Variants in PCNX1 observed in about 807,000 individuals in gnomAD.
The protein encoded by PCNX1 is pecanex-like protein 1.
In PCNX1, 78 loss-of-function variants were observed where a neutral mutation model predicts 242.2. That is an observed-to-expected ratio of 0.32 (90% CI 0.27 to 0.39). The LOEUF is 0.39. PCNX1 is among the 10% of genes least tolerant of loss of function. The pLI is 1.00. For missense variants in PCNX1, 2,581 were observed against 2,856.5 expected, an observed-to-expected ratio of 0.90 and a Z score of 2.20; for synonymous variants, 1,024 against 1,032.9, an observed-to-expected ratio of 0.99 and a Z score of 0.17.
intron 1 of PCNX1, among the ~76,000 whole-genome samples, chr14:70,909,489 A>G (rs886885844): frequency 5.3e-5 from 8 of 152,208 alleles, no homozygotes; most frequent in Non-Finnish European, 1.2e-4. Flanking sequence ...GGCTGTCACA[A>G]AATTTTCAAA....
At chr14:71,090,975 A>C (rs775522634) in intron 30 of PCNX1, among the ~76,000 whole-genome samples, 63 of 152,102 alleles carry the variant, frequency 4.1e-4, no homozygotes, top group Non-Finnish European at 6.8e-4. Flanking sequence ...GTGATTCTTT[A>C]CTTTATATTC....
At chr14:70,975,711 A>AT (rs2058669832) in intron 5 of PCNX1, among the ~76,000 whole-genome samples, 1 of 151,958 alleles carries the variant, frequency 6.6e-6, no homozygotes, top group Non-Finnish European at 1.5e-5. Flanking sequence ...AAAATCAGCT[A>AT]TTTTGCAGTT....
chr14:71,041,730 T>C (rs2060710704), intron 19 of PCNX1, among the ~76,000 whole-genome samples: 1 of 152,020 alleles, frequency 6.6e-6, no homozygotes, highest in African/African-American at 2.4e-5. Flanking sequence ...TTGAGGTACA[T>C]CATGAGGTTG....
intron 7 of PCNX1, among the ~76,000 whole-genome samples, chr14:70,991,885 TA>T (rs1417733509): frequency 2.0e-5 from 3 of 152,190 alleles, no homozygotes; most frequent in African/African-American, 7.2e-5. Flanking sequence ...ATATAAATAC[TA>T]GTAAATATAC....
chr14:70,922,387 A>C (rs1954605018), intron 1 of PCNX1, among the ~76,000 whole-genome samples: 1 of 152,122 alleles, frequency 6.6e-6, no homozygotes, highest in Non-Finnish European at 1.5e-5. Flanking sequence ...TGAAAACATG[A>C]ATTTTTTTAC....
intron 16 of PCNX1, chr14:71,031,865 GCACTTT>G (rs1469538531): frequency 3.4e-6 from 5 of 1,456,374 alleles, no homozygotes; most frequent in Non-Finnish European, 4.8e-6. Context: ...CACTGTTTCA[GCACTTT>G]CACAGCACGA....
chr14:71,036,083 G>C lies in PCNX1; in HGVS notation c.3793G>C (p.Asp1265His). The change falls in exon 19 of 36, where the codon GAC becomes CAC. Residue 1265 changes from aspartate to histidine, a missense_variant. By Grantham distance (81) the Asp-to-His change is moderately conservative. Around this residue, in one of 9 missense-constraint regions of PCNX1, gnomAD observed 432 missense variants for 443.1 expected, o/e 0.97. Transcript: ENST00000304743. Reference protein sequence around the residue: ...RNSVSERLQSDLVVCIVIGVL... With the variant: ...RNSVSERLQSHLVVCIVIGVL... ...CCCACAGAGTGAGCGATTACAGTCTGACCTGGTAGTATGCATTGTAATTGG... is the reference window on the plus strand; with the variant it reads ...CCCACAGAGTGAGCGATTACAGTCTCACCTGGTAGTATGCATTGTAATTGG... 1 of 1,603,416 alleles carries C rather than the reference G, an allele frequency of 6.2e-7. No individual in the cohort carries two copies. The highest frequency in any genetic ancestry group is 8.5e-7 in the Non-Finnish European group (1 of 1,170,450).
chr14:70,977,835 A>G lies in PCNX1; in HGVS notation c.1498A>G (p.Thr500Ala), dbSNP rs2058728266. Residue 500 changes from threonine to alanine, a missense_variant, in exon 6 of 36, where the codon ACT (threonine) becomes GCT (alanine). Physicochemically the swap from Thr to Ala is moderately conservative, Grantham distance 58. Around this residue, in one of 9 missense-constraint regions of PCNX1, gnomAD observed 1,204 missense variants for 1,216.7 expected, o/e 0.99. Coordinates refer to ENST00000304743, the MANE Select transcript of PCNX1 (RefSeq NM_014982.3). ...ANKNPHANEF[T>A]SQGDRPPGNT... Reference sequence around the variant, plus strand: ...TAAAAATCCCCATGCAAATGAATTTACTTCCCAAGGGGACAGACCACCTGG... The same window carrying G: ...TAAAAATCCCCATGCAAATGAATTTGCTTCCCAAGGGGACAGACCACCTGG... 1 of 1,614,060 alleles carries G rather than the reference A, an allele frequency of 6.2e-7. No homozygotes were observed. The highest frequency in any genetic ancestry group is 1.3e-5 in the African/African-American group (1 of 74,922).
rs372206918 is a variant in PCNX1, at chr14:70,914,843, C to T, written c.153+6840C>T. Among the ~76,000 whole-genome samples, 9 of 152,258 alleles carry T rather than the reference C, an allele frequency of 5.9e-5. No homozygotes were observed. The East Asian group carries it at 1.5e-3, about 26-fold the overall frequency. On this transcript the variant is annotated intron_variant, in intron 1 of 35. Coordinates refer to ENST00000304743, the MANE Select transcript of PCNX1 (RefSeq NM_014982.3). ...AAGGCACAATCTTCAGTGAACCATT[C>T]GATGAGTTTTGATAAATGCACACGT...
intron 18 of PCNX1, among the ~76,000 whole-genome samples, chr14:71,035,365 C>T (rs1021875510): frequency 2.0e-5 from 3 of 152,046 alleles, no homozygotes; most frequent in Non-Finnish European, 2.9e-5. Flanking sequence ...GAACTAGATA[C>T]GTTGTTCAAT....
chr14:71,056,520 A>G (rs966976564), intron 25 of PCNX1, among the ~76,000 whole-genome samples: 9 of 152,210 alleles, frequency 5.9e-5, no homozygotes, highest in African/African-American at 2.2e-4. Flanking sequence ...ATTTTATTCA[A>G]TTAGACTGGG....
chr14:70,973,846 T>C (rs967381958), intron 5 of PCNX1, among the ~76,000 whole-genome samples: 14 of 152,072 alleles, frequency 9.2e-5, no homozygotes, highest in African/African-American at 3.1e-4. Flanking sequence ...TGCATATCAT[T>C]TTTTCATATT....
At chr14:71,065,637 A>G (rs2061427731) in intron 26 of PCNX1, among the ~76,000 whole-genome samples, 5 of 152,052 alleles carry the variant, frequency 3.3e-5, no homozygotes, top group Admixed American at 6.6e-5. Context: ...CCATTTGTCT[A>G]TTTTGGCTTT....
chr14:70,985,431 C>T (rs1294552933), intron 6 of PCNX1, among the ~76,000 whole-genome samples: 1 of 152,096 alleles, frequency 6.6e-6, no homozygotes. Context: ...TCAGGCTGAT[C>T]TCGAACTCCT....
chr14:71,062,705 G>A (rs890112085), intron 26 of PCNX1, among the ~76,000 whole-genome samples: 10 of 152,034 alleles, frequency 6.6e-5, no homozygotes, highest in Admixed American at 5.9e-4. Context: ...TGTAGCCTAA[G>A]GTATAGTGTT....
chr14:71,070,030 A>G (rs1040264302), intron 26 of PCNX1, among the ~76,000 whole-genome samples: 3 of 152,198 alleles, frequency 2.0e-5, no homozygotes, highest in Admixed American at 6.6e-5. Context: ...ATGTAGTATT[A>G]TAAATCCTTT....
At chr14:70,971,647 G>C (rs1190641904) in intron 5 of PCNX1, among the ~76,000 whole-genome samples, 3 of 152,186 alleles carry the variant, frequency 2.0e-5, no homozygotes, top group Non-Finnish European at 4.4e-5. Flanking sequence ...GTAGTAAGTA[G>C]AGACAGAAGA....
chr14:70,922,855 T>C (rs1025829306), intron 1 of PCNX1, among the ~76,000 whole-genome samples: 2 of 151,956 alleles, frequency 1.3e-5, no homozygotes, highest in Non-Finnish European at 1.5e-5. Flanking sequence ...CATTAGTTTA[T>C]AAAAATTACT....
chr14:70,938,729 G>T (rs2057111131), intron 1 of PCNX1, among the ~76,000 whole-genome samples: 1 of 152,102 alleles, frequency 6.6e-6, no homozygotes, highest in Non-Finnish European at 1.5e-5. Flanking sequence ...TATACCTCTG[G>T]TAGAATTTGG....
Sources: gnomAD v4.1 joint callset for allele counts (sites outside exome capture counted in the v4.1 genomes callset) on GRCh38, gnomAD v4.1.1 for gene constraint, gnomAD v4.1.1 regional missense constraint, MANE v1.5 for transcripts, NCBI Gene and HGNC (gene_info 2026-07-23, HGNC 2026-07-21) for gene names.